Variants in RBFOX1 observed in about 807,000 individuals in gnomAD.
RBFOX1 encodes the protein RNA binding protein fox-1 homolog 1.
In RBFOX1, 8 loss-of-function variants were observed where a neutral mutation model predicts 57.7. The observed-to-expected ratio is 0.14, with a 90% confidence interval of 0.08 to 0.25. The LOEUF is 0.25. RBFOX1 is among the 10% of genes least tolerant of loss of function. The pLI is 1.00. For synonymous variants in RBFOX1, 326 were observed against 222.4 expected, an observed-to-expected ratio of 1.47 and a Z score of -4.15; for missense variants, 611 against 548.5, an observed-to-expected ratio of 1.11 and a Z score of -1.14.
chr16:7,596,999 G>T (rs2094736133), intron 8 of RBFOX1, among the ~76,000 whole-genome samples: 1 of 151,956 alleles, frequency 6.6e-6, no homozygotes, highest in Non-Finnish European at 1.5e-5. Flanking sequence ...TCCACTGCAT[G>T]CTCCTTCATA....
At chr16:5,796,425 C>T (rs1031550048) in intron 3 of RBFOX1, among the ~76,000 whole-genome samples, 5 of 152,114 alleles carry the variant, frequency 3.3e-5, no homozygotes, top group Admixed American at 3.3e-4. Flanking sequence ...GTGATATGAT[C>T]AGTGGCCTCA....
intron 4 of RBFOX1, among the ~76,000 whole-genome samples, chr16:7,125,507 C>G (rs1316507161): frequency 6.6e-6 from 1 of 152,122 alleles, no homozygotes; most frequent in Non-Finnish European, 1.5e-5. Flanking sequence ...GAAGTTTGTT[C>G]CTTCAGAAAA....
intron 1 of RBFOX1, among the ~76,000 whole-genome samples, chr16:5,399,612 A>C (rs1268304476): frequency 6.6e-6 from 1 of 152,114 alleles, no homozygotes; most frequent in African/African-American, 2.4e-5. Flanking sequence ...GCCCATCTGT[A>C]GTCCCAGCTA....
At chr16:5,319,729 G>A (rs1232121015) in intron 1 of RBFOX1, among the ~76,000 whole-genome samples, 2 of 152,184 alleles carry the variant, frequency 1.3e-5, no homozygotes, top group African/African-American at 4.8e-5. Flanking sequence ...TAAAATCTCA[G>A]TAACTTCCAC....
chr16:6,466,488 G>A (rs945433457), intron 2 of RBFOX1, among the ~76,000 whole-genome samples: 20 of 152,092 alleles, frequency 1.3e-4, no homozygotes, highest in Admixed American at 6.6e-4. Flanking sequence ...AACTTGCCAC[G>A]TTTCTTGAAA....
At chr16:5,956,661 TATATATATATATATA>T (rs1344859009) in intron 4 of RBFOX1, among the ~76,000 whole-genome samples, 10 of 51,054 alleles carry the variant, frequency 2.0e-4, no homozygotes, top group African/African-American at 6.9e-4. Context: ...TATATATTTA[TATATATATATATATA>T]TATTTTTTTT....
At chr16:6,557,660 G>C (rs950426539) in intron 2 of RBFOX1, among the ~76,000 whole-genome samples, 1 of 152,164 alleles carries the variant, frequency 6.6e-6, no homozygotes, top group Admixed American at 6.5e-5. Flanking sequence ...AAATGGAGAA[G>C]GGGAAAATGC....
intron 4 of RBFOX1, among the ~76,000 whole-genome samples, chr16:7,474,923 G>A (rs2062326968): frequency 1.3e-5 from 2 of 152,002 alleles, no homozygotes; most frequent in Non-Finnish European, 2.9e-5. Flanking sequence ...AATATTTATG[G>A]AGTGCCTGTG....
At chr16:7,406,973 A>G (rs1422010654) in intron 4 of RBFOX1, among the ~76,000 whole-genome samples, 1 of 152,118 alleles carries the variant, frequency 6.6e-6, no homozygotes, top group African/African-American at 2.4e-5. Flanking sequence ...CTGCGTTTGT[A>G]TGTCCTGTGA....
chr16:7,368,648 C>G (rs1011199854), intron 4 of RBFOX1, among the ~76,000 whole-genome samples: 1 of 151,750 alleles, frequency 6.6e-6, no homozygotes, highest in Non-Finnish European at 1.5e-5. Context: ...GGCGTGGTGG[C>G]GGGCACCTGT....
chr16:7,472,359 T>G (rs17674225), intron 4 of RBFOX1, among the ~76,000 whole-genome samples: 54,991 of 152,042 alleles, frequency 0.36, 11,014 homozygotes, highest in Non-Finnish European at 0.46. Flanking sequence ...ACATAAACTT[T>G]CCATTAACAG....
intron 1 of RBFOX1, among the ~76,000 whole-genome samples, chr16:5,405,446 G>A (rs190413761): frequency 2.2e-4 from 34 of 152,298 alleles, no homozygotes; most frequent in African/African-American, 7.2e-4. Flanking sequence ...TGTGCCTTTT[G>A]CCTTCTGCCA....
chr16:5,817,099 C>A (rs1464499204), intron 3 of RBFOX1, among the ~76,000 whole-genome samples: 1 of 152,156 alleles, frequency 6.6e-6, no homozygotes, highest in Non-Finnish European at 1.5e-5. Context: ...TGAGGATATC[C>A]CCTTTCCTGT....
At chr16:7,053,595 T>C (rs2050854581) in intron 4 of RBFOX1, among the ~76,000 whole-genome samples, 1 of 152,196 alleles carries the variant, frequency 6.6e-6, no homozygotes, top group Non-Finnish European at 1.5e-5. Context: ...CAAATGACAC[T>C]TGCTTGGCAA....
intron 2 of RBFOX1, chr16:6,483,203 G>A: frequency 8.4e-7 from 1 of 1,194,586 alleles, no homozygotes; most frequent in East Asian, 4.4e-5. Context: ...AGAGGCCGAG[G>A]CCGGCCGGGG....
At chr16:5,371,956 A>G (rs937510082) in intron 1 of RBFOX1, among the ~76,000 whole-genome samples, 1 of 152,054 alleles carries the variant, frequency 6.6e-6, no homozygotes, top group Non-Finnish European at 1.5e-5. Flanking sequence ...GCTTTTTTTC[A>G]TGCCGCGTTT....
intron 4 of RBFOX1, among the ~76,000 whole-genome samples, chr16:7,411,894 A>G (rs1245407535): frequency 8.2e-6 from 1 of 122,420 alleles, no homozygotes; most frequent in African/African-American, 3.2e-5. Flanking sequence ...CAAGAGCAAA[A>G]CTCCTTTCAA....
At chr16:6,845,191 A>G (rs2093691502) in intron 3 of RBFOX1, among the ~76,000 whole-genome samples, 1 of 151,404 alleles carries the variant, frequency 6.6e-6, no homozygotes, top group Non-Finnish European at 1.5e-5. Flanking sequence ...ATTAGATCCC[A>G]TTTATCAATT....
At chr16:6,282,750 A>G (rs569093177) in intron 1 of RBFOX1, among the ~76,000 whole-genome samples, 1 of 152,216 alleles carries the variant, frequency 6.6e-6, no homozygotes, top group South Asian at 2.1e-4. Flanking sequence ...TTCTTTTAAG[A>G]GGTCTTTAAA....
Sources: allele counts gnomAD v4.1 joint callset (sites outside exome capture counted in the v4.1 genomes callset), GRCh38; gene constraint gnomAD v4.1.1; transcripts MANE v1.5; gene names NCBI Gene and HGNC (gene_info 2026-07-23, HGNC 2026-07-21).